The following MYT1L variants were observed in gnomAD, a reference collection of about 807,000 sequenced individuals.
MYT1L encodes the protein myelin transcription factor 1 like, also known as myelin transcription factor 1-like protein.
Under a neutral mutation model 126.7 loss-of-function variants are expected in MYT1L, and 12 were observed. The observed-to-expected ratio is 0.09, with a 90% CI of 0.06 to 0.15. MYT1L has a LOEUF of 0.15. MYT1L is among the 10% of genes least tolerant of loss of function. MYT1L has a pLI of 1.00. For synonymous variants in MYT1L, 541 were observed against 604.2 expected (o/e 0.90, Z 1.53); for missense variants, 979 against 1,585.2 (o/e 0.62, Z 6.49).
At chr2:2,041,314 T>G (rs1489102302) in intron 4 of MYT1L, among the ~76,000 whole-genome samples, 2 of 152,318 alleles carry the variant, frequency 1.3e-5, no homozygotes, top group African/African-American at 4.8e-5. Flanking sequence ...TGAAGTGTTT[T>G]ACTTGAAGGA....
At chr2:2,215,742 C>T (rs1176268914) in intron 2 of MYT1L, among the ~76,000 whole-genome samples, 2 of 152,154 alleles carry the variant, frequency 1.3e-5, no homozygotes, top group Admixed American at 1.3e-4. Context: ...ATTTTCAAGT[C>T]CACAGTGAAC....
At chr2:1,813,109 C>T (rs1347770162) in intron 21 of MYT1L, among the ~76,000 whole-genome samples, 1 of 152,186 alleles carries the variant, frequency 6.6e-6, no homozygotes, top group Admixed American at 6.5e-5. Context: ...CTTCCGCCGT[C>T]TGAACCTCCG....
chr2:2,204,127 C>T lies in MYT1L; in HGVS notation c.-420-31139G>A, dbSNP rs189733178. ...AAATTAATTCAAGATGGATTAAATA[C>T]TTACATGTTAGACCTAAAACCATAA... On this transcript the variant is annotated intron_variant, in intron 2 of 24. Coordinates refer to ENST00000647738, the MANE Select transcript of MYT1L (RefSeq NM_001303052.2). Among the ~76,000 whole-genome samples the T allele has an allele frequency of 1.1e-4, 16 of 152,308 alleles. 2 individuals carry two copies. Among genetic ancestry groups the T allele is most frequent in the African/African-American group, 3.6e-4 (15 of 41,564 alleles).
intron 21 of MYT1L, among the ~76,000 whole-genome samples, chr2:1,820,466 T>C (rs1204397594): frequency 1.3e-5 from 2 of 152,194 alleles, no homozygotes; most frequent in Admixed American, 1.3e-4. Flanking sequence ...CATCCAGTTG[T>C]TTAATCAAAT....
chr2:1,823,822 C>T lies in MYT1L; in HGVS notation c.3081-14655G>A, dbSNP rs139401231. On this transcript the variant is annotated intron_variant, in intron 21 of 24. Coordinates refer to ENST00000647738, the MANE Select transcript of MYT1L (RefSeq NM_001303052.2). The stretch of plus-strand genomic sequence containing the variant: ...CTGCCAGTGGTGGCGGCCCTCGTCC[C>T]GTGTGGTCAAATTTACATTTATATT... Among the ~76,000 whole-genome samples, 136 of 152,310 alleles carry T rather than the reference C, an allele frequency of 8.9e-4. 1 individual carries two copies. The highest frequency in any genetic ancestry group is 3.2e-3 in the African/African-American group (131 of 41,562).
At chr2:1,822,678 C>T (rs1351242025) in intron 21 of MYT1L, among the ~76,000 whole-genome samples, 4 of 152,134 alleles carry the variant, frequency 2.6e-5, no homozygotes, top group Non-Finnish European at 4.4e-5. Flanking sequence ...AGGTGGTCTC[C>T]GAGTGTCAGG....
chr2:1,899,887 C>A (rs748176665), intron 14 of MYT1L, among the ~76,000 whole-genome samples: 5 of 152,160 alleles, frequency 3.3e-5, no homozygotes, highest in Non-Finnish European at 7.3e-5. Flanking sequence ...GACAGATGGA[C>A]AGCAAGCACT....
At chr2:1,969,035 A>C (rs972445784) in intron 8 of MYT1L, among the ~76,000 whole-genome samples, 1 of 152,224 alleles carries the variant, frequency 6.6e-6, no homozygotes, top group Non-Finnish European at 1.5e-5. Context: ...CCTTTCTCAG[A>C]AAAATATAGC....
chr2:1,839,389 G>T lies in MYT1L; in HGVS notation c.2859-19C>A. On this transcript the variant is annotated intron_variant, in intron 20 of 24. Transcript: ENST00000647738. ...CGGACACCTGTAGGCAGGCAGAGGT[G>T]ACACACTTTATTGTCTGGCCACCGT... 1 of 1,603,826 alleles carries T rather than the reference G, an allele frequency of 6.2e-7. No homozygotes were observed. The highest frequency in any genetic ancestry group is 8.5e-7 in the Non-Finnish European group (1 of 1,172,566).
At chr2:2,041,215 T>C (rs1488921365) in intron 4 of MYT1L, among the ~76,000 whole-genome samples, 1 of 152,228 alleles carries the variant, frequency 6.6e-6, no homozygotes, top group East Asian at 1.9e-4. Flanking sequence ...AGTTAAATTA[T>C]ATGGCATAAT....
chr2:1,937,224 C>G lies in MYT1L; in HGVS notation c.505+5758G>C, dbSNP rs944475023. Reference sequence around the variant, plus strand: ...GACTCCCCTGACCCCCACATCGACTCTGCCTCAGGGCGGCCTCCATGCCTT... The same window carrying G: ...GACTCCCCTGACCCCCACATCGACTGTGCCTCAGGGCGGCCTCCATGCCTT... On this transcript the variant is annotated intron_variant, in intron 9 of 24. Transcript: ENST00000647738. 2.0e-4 allele frequency among the ~76,000 whole-genome samples: 31 copies of G among 152,210 alleles called. 1 individual carries two copies. Among genetic ancestry groups the G allele is most frequent in the African/African-American group, 7.0e-4 (29 of 41,442 alleles).
intron 3 of MYT1L, among the ~76,000 whole-genome samples, chr2:2,128,627 C>T (rs1317369397): frequency 6.6e-6 from 1 of 152,102 alleles, no homozygotes; most frequent in East Asian, 1.9e-4. Flanking sequence ...CATAAATACA[C>T]ATTTGTATTT....
chr2:1,827,715 G>A (rs889824652), intron 21 of MYT1L: 2 of 152,124 alleles, frequency 1.3e-5, no homozygotes, highest in African/African-American at 4.8e-5. Flanking sequence ...TATATATCTG[G>A]TCTCTGGACA....
Position 1,917,182 on chromosome 2 carries a change from G to A in MYT1L, c.1618+23C>T. ...GTCATGGGTGTTTGCACCCCCAAGG[G>A]TAGCGGTGAGACGTGGACTTACTTT... On this transcript the variant is annotated intron_variant, in intron 11 of 24. Transcript: ENST00000647738. This position sits in a 1 kb window ranked among gnomAD's most constrained non-coding sequence, Gnocchi z 5.9. 6.2e-7 allele frequency: 1 copy of A among 1,606,206 alleles called. No homozygotes were observed. Among genetic ancestry groups the A allele is most frequent in the East Asian group, 2.2e-5 (1 of 44,790 alleles).
intron 3 of MYT1L, among the ~76,000 whole-genome samples, chr2:2,078,561 C>A (rs556650276): frequency 3.3e-5 from 5 of 152,254 alleles, no homozygotes; most frequent in Non-Finnish European, 7.4e-5. Context: ...ACACAAAAGA[C>A]TGAAGACAAT....
At chr2:2,320,924 G>A (rs576072080) in intron 1 of MYT1L, among the ~76,000 whole-genome samples, 4 of 152,182 alleles carry the variant, frequency 2.6e-5, no homozygotes, top group Non-Finnish European at 2.9e-5. Flanking sequence ...CGCTTTCCAC[G>A]ACCCAGACAA....
At chr2:2,010,891 A>G (rs2063759079) in intron 4 of MYT1L, among the ~76,000 whole-genome samples, 1 of 152,206 alleles carries the variant, frequency 6.6e-6, no homozygotes, top group South Asian at 2.1e-4. Context: ...GACTCTTCAC[A>G]GGGGTGCCGG....
intron 18 of MYT1L, among the ~76,000 whole-genome samples, chr2:1,860,419 G>T (rs1465394529): frequency 6.6e-6 from 1 of 152,152 alleles, no homozygotes; most frequent in East Asian, 1.9e-4. Flanking sequence ...AGGGCCTGAC[G>T]CATTCAAACC....
chr2:2,260,054 C>A (rs993119199), intron 2 of MYT1L, among the ~76,000 whole-genome samples: 1 of 152,170 alleles, frequency 6.6e-6, no homozygotes, highest in South Asian at 2.1e-4. Flanking sequence ...CGTGGCCTGG[C>A]TCCCTCTAAA....
Sources: allele counts gnomAD v4.1 joint callset (sites outside exome capture counted in the v4.1 genomes callset), GRCh38; gene constraint gnomAD v4.1.1; non-coding constraint Gnocchi (gnomAD v3.1); transcripts MANE v1.5; gene names NCBI Gene and HGNC (gene_info 2026-07-23, HGNC 2026-07-21).